Variants in MTAP observed in about 807,000 individuals in gnomAD.
MTAP encodes S-methyl-5'-thioadenosine phosphorylase.
MTAP carries 33 observed loss-of-function variants against 33.6 expected under a neutral mutation model. The ratio of observed to expected loss-of-function variants is 0.98; its 90% CI spans 0.74 to 1.31. The LOEUF (loss-of-function observed/expected upper bound fraction) is 1.31, where lower values mean the gene tolerates loss of function less well. Ranked by LOEUF, MTAP falls within the 40% of genes most tolerant of loss-of-function variation. MTAP has a pLI of 0.00. For synonymous variants in MTAP, 148 were observed against 125.7 expected, an observed-to-expected ratio of 1.18 and a Z score of -1.19; for missense variants, 367 against 360.0, an observed-to-expected ratio of 1.02 and a Z score of -0.16.
chr9:21,831,805 G>A (rs1317842652), intron 4 of MTAP, among the ~76,000 whole-genome samples: 1 of 150,362 alleles, frequency 6.7e-6, no homozygotes, highest in Non-Finnish European at 1.5e-5. Flanking sequence ...TTTTTACAAT[G>A]AGAAAAATAT....
rs1318984314 is a variant in MTAP at position 21,865,159 on chromosome 9, G to A, written c.*3145G>A. On this transcript the variant is annotated 3_prime_UTR_variant, in exon 8 of 8. Transcript: ENST00000644715. ...ACATGTTGTGGGAGGGACCCAGTGG[G>A]AGGTAATTAAATCATGGGGGTGGTT... is the stretch of plus-strand genomic sequence containing the variant. The A allele has an allele frequency of 1.1e-6, 1 of 919,490 alleles. No homozygotes were observed. The highest frequency in any genetic ancestry group is 1.2e-4 in the East Asian group (1 of 8,456). The allele number at this position is 919,490 out of a possible 1,614,324, so 57.0% of individuals were successfully genotyped here. A position where few individuals can be genotyped will look rare whatever the true frequency, so the allele number is the denominator to read the frequency against.
chr9:21,811,878 G>A (rs1824358602), intron 1 of MTAP: 2 of 407,230 alleles, frequency 4.9e-6, no homozygotes, highest in African/African-American at 2.1e-5. Flanking sequence ...CTTTAGCCCT[G>A]AGGGTGGGAA....
chr9:21,892,511 TAAAA>T (rs113680161), intron 1 of MTAP: 1 of 151,462 alleles, frequency 6.6e-6, no homozygotes, highest in South Asian at 2.1e-4. Flanking sequence ...CCAACAATGA[TAAAA>T]AAAGACAAGG....
At chr9:21,809,591 A>G (rs763013145) in intron 1 of MTAP, among the ~76,000 whole-genome samples, 11 of 151,696 alleles carry the variant, frequency 7.3e-5, no homozygotes, top group Non-Finnish European at 1.6e-4. Context: ...GTGAGCCGAG[A>G]TCGCACCACT....
chr9:21,802,853 C>A, intron 1 of MTAP, 72 bp downstream of exon 1: 1 of 1,589,380 alleles, frequency 6.3e-7, no homozygotes, highest in Non-Finnish European at 8.6e-7. Flanking sequence ...CGGGGGACCG[C>A]GCCTCCGGGG....
Position 21,866,326 on chromosome 9 carries a change from C to T in MTAP, c.*4312C>T, listed in dbSNP as rs1445031321. The T allele has an allele frequency of 6.6e-6, 1 of 152,158 alleles. No individual in the cohort carries two copies. Among genetic ancestry groups the T allele is most frequent in the African/African-American group, 2.4e-5 (1 of 41,452 alleles). 9.4% of individuals were successfully genotyped at this position (152,158 alleles called of 1,614,324 possible). A position where few individuals can be genotyped will look rare whatever the true frequency, so the allele number is the denominator to read the frequency against. On this transcript the variant is annotated 3_prime_UTR_variant, in exon 8 of 8. Transcript: ENST00000644715. The stretch of plus-strand genomic sequence containing the variant: ...TGTTGTGACTATTCTTAGTCTTTAG[C>T]TTGCCTTTTCATTTTCTTAATTATG...
At chr9:21,910,771 T>C (rs1420263925) in intron 1 of MTAP, among the ~76,000 whole-genome samples, 3 of 152,244 alleles carry the variant, frequency 2.0e-5, no homozygotes, top group African/African-American at 7.2e-5. Flanking sequence ...GTGCTACCAG[T>C]ATCACAGTCC....
chr9:21,913,812 G>A lies in MTAP; in HGVS notation c.148-17196G>A, dbSNP rs189275512. On this transcript the variant is annotated intron_variant, in intron 1 of 1. Coordinates refer to the MTAP transcript ENST00000577563. ...TTAAACTAAAGAGCTTCTGCACAGC[G>A]AAAGAAACTACCAACCTACAGTGAA... is the stretch of plus-strand genomic sequence containing the variant. 1.4e-4 allele frequency among the ~76,000 whole-genome samples: 21 copies of A among 152,186 alleles called. No homozygotes were observed. The East Asian group carries it at 2.7e-3, about 20-fold the overall frequency.
intron 5 of MTAP, among the ~76,000 whole-genome samples, chr9:21,847,009 C>T (rs1451062936): frequency 6.6e-6 from 1 of 152,126 alleles, no homozygotes; most frequent in Non-Finnish European, 1.5e-5. Context: ...CTGGGAAAGG[C>T]AGACCCACCC....
chr9:21,868,951 C>T (rs1825895452), downstream of MTAP, among the ~76,000 whole-genome samples: 1 of 152,104 alleles, frequency 6.6e-6, no homozygotes, highest in Non-Finnish European at 1.5e-5. Flanking sequence ...TGATGCTGGT[C>T]CCACTTTGAG....
rs965743631 is a variant in MTAP, at chr9:21,802,674, G to A, written c.-75G>A. On this transcript the variant is annotated 5_prime_UTR_variant, in exon 1 of 8. Transcript: ENST00000644715. ...ACTCCCGCGCAGTGAGGTTGGCACA[G>A]CCACCGCTCTGTGGCTCGCTTGGTT... 1 of 1,576,220 alleles carries A rather than the reference G, an allele frequency of 6.3e-7. No individual in the cohort carries two copies. The highest frequency in any genetic ancestry group is 1.4e-5 in the African/African-American group (1 of 73,750).
chr9:21,905,888 T>A (rs535397671), intron 1 of MTAP, among the ~76,000 whole-genome samples: 2 of 152,234 alleles, frequency 1.3e-5, no homozygotes, highest in Non-Finnish European at 2.9e-5. Flanking sequence ...ACAACACTTA[T>A]ATTACCATAG....
intron 1 of MTAP, among the ~76,000 whole-genome samples, chr9:21,873,384 A>C (rs979615661): frequency 1.3e-5 from 2 of 152,146 alleles, no homozygotes; most frequent in Non-Finnish European, 2.9e-5. Context: ...ATTGAAATCT[A>C]ATCTCCAATG....
intron 1 of MTAP, among the ~76,000 whole-genome samples, chr9:21,904,620 A>G (rs1295930241): frequency 1.3e-5 from 2 of 152,228 alleles, no homozygotes; most frequent in Non-Finnish European, 2.9e-5. Context: ...CTCACTAAAA[A>G]GAAAAATATA....
Position 21,864,951 on chromosome 9 carries a change from C to G in MTAP, c.*2937C>G, listed in dbSNP as rs536527668. On this transcript the variant is annotated 3_prime_UTR_variant, in exon 8 of 8. Transcript: ENST00000644715. The stretch of plus-strand genomic sequence containing the variant: ...GTGGCCTGAACATGTTTTTAATTTT[C>G]TCAACAAGCATTTAGCCAGCACTTA... The G allele has an allele frequency of 3.8e-5, 37 of 985,322 alleles. No individual in the cohort carries two copies. Among genetic ancestry groups the G allele is most frequent in the Admixed American group, 6.1e-5 (1 of 16,268 alleles). The allele number at this position is 985,322 out of a possible 1,614,324, so 61.0% of individuals were successfully genotyped here. A position where few individuals can be genotyped will look rare whatever the true frequency, so the allele number is the denominator to read the frequency against.
chr9:21,919,965 C>A (rs943583160), intron 1 of MTAP, among the ~76,000 whole-genome samples: 2 of 152,048 alleles, frequency 1.3e-5, no homozygotes, highest in African/African-American at 4.8e-5. Flanking sequence ...TATAAAAATT[C>A]TTCATGGAGT....
chr9:21,811,704 C>T (rs1824353964), intron 1 of MTAP: 3 of 531,816 alleles, frequency 5.6e-6, no homozygotes, highest in South Asian at 1.4e-5. Flanking sequence ...GACACCAGGT[C>T]GTTCATGTTG....
At chr9:21,809,638 C>CA (rs34912134) in intron 1 of MTAP, among the ~76,000 whole-genome samples, 34,868 of 124,034 alleles carry the variant, frequency 0.28, 6,497 homozygotes, top group African/African-American at 0.56. Flanking sequence ...GACTCCGTCT[C>CA]AAAAAAAAAA....
chr9:21,914,174 C>G (rs1818635311), intron 1 of MTAP, among the ~76,000 whole-genome samples: 2 of 152,172 alleles, frequency 1.3e-5, no homozygotes, highest in Admixed American at 6.5e-5. Context: ...CACTTTTACA[C>G]TGTTGGTGGG....
Sources: gnomAD v4.1 joint callset for allele counts (sites outside exome capture counted in the v4.1 genomes callset) on GRCh38, gnomAD v4.1.1 for gene constraint, MANE v1.5 for transcripts, NCBI Gene and HGNC (gene_info 2026-07-23, HGNC 2026-07-21) for gene names.